MBD5: variants seen among roughly 807,000 people sequenced by gnomAD.
MBD5 encodes methyl-CpG-binding domain protein 5.
MBD5 carries 13 observed loss-of-function variants against 117.3 expected under a neutral mutation model. The observed-to-expected ratio is 0.11, with a 90% CI of 0.07 to 0.18. The LOEUF (loss-of-function observed/expected upper bound fraction) is 0.18, where lower values mean the gene tolerates loss of function less well. Ranked by LOEUF, MBD5 falls within the 10% of genes least tolerant of loss-of-function variation. MBD5 has a pLI of 1.00. For synonymous variants in MBD5, 727 were observed against 766.4 expected, an observed-to-expected ratio of 0.95 and a Z score of 0.85; for missense variants, 1,879 against 2,093.8, an observed-to-expected ratio of 0.90 and a Z score of 2.00.
chr2:148,073,497 CAACTT>C (rs1220621459), intron 1 of MBD5, among the ~76,000 whole-genome samples: 2 of 152,116 alleles, frequency 1.3e-5, no homozygotes, highest in Non-Finnish European at 2.9e-5. Context: ...TCAGTGGAAA[CAACTT>C]AAATGTCTAT....
rs571961119 is a variant in MBD5, at chr2:148,421,621, C to T, written c.-556-36582C>T. 2.6e-5 allele frequency among the ~76,000 whole-genome samples: 4 copies of T among 152,058 alleles called. No homozygotes were observed. In the East Asian group the frequency reaches 7.7e-4, roughly 29 times the overall value. On this transcript the variant is annotated intron_variant, in intron 4 of 13. Coordinates refer to ENST00000642680, the MANE Select transcript of MBD5 (RefSeq NM_001378120.1). Reference sequence around the variant, plus strand: ...TGGAAAGGGGGTTGAAGCCAGGGAGCCAAGTGGTCTGGCTCGGCGGATCCC... The same window carrying T: ...TGGAAAGGGGGTTGAAGCCAGGGAGTCAAGTGGTCTGGCTCGGCGGATCCC...
intron 5 of MBD5, among the ~76,000 whole-genome samples, chr2:148,459,661 T>C (rs1707004927): frequency 6.6e-6 from 1 of 152,212 alleles, no homozygotes; most frequent in Non-Finnish European, 1.5e-5. Flanking sequence ...CATTATTAGA[T>C]TGATGCATTT....
rs542373546 is a variant in MBD5 at position 148,021,311 on chromosome 2, TTTC to T, written c.-1288_-1286del. The T allele has an allele frequency of 7.2e-5, 26 of 360,134 alleles. No homozygotes were observed. The highest frequency in any genetic ancestry group is 2.8e-4 in the East Asian group (4 of 14,182). The allele number at this position is 360,134 out of a possible 1,614,324, so 22.3% of individuals were successfully genotyped here. A position where few individuals can be genotyped will look rare whatever the true frequency, so the allele number is the denominator to read the frequency against. On this transcript the variant is annotated 5_prime_UTR_variant, in exon 1 of 14. Transcript: ENST00000642680. The stretch of plus-strand genomic sequence containing the variant: ...ATTGAGCCTGAGAGAGGAGAAGGAG[TTTC>T]TTCTTCTTCGAAAACCCCCATCCAC...
intron 4 of MBD5, among the ~76,000 whole-genome samples, chr2:148,410,840 A>G (rs925122125): frequency 6.6e-6 from 1 of 152,152 alleles, no homozygotes; most frequent in Non-Finnish European, 1.5e-5. Flanking sequence ...ATTCTTTTGC[A>G]GAAGAGAAGT....
intron 3 of MBD5, among the ~76,000 whole-genome samples, chr2:148,294,852 G>C (rs1395363332): frequency 1.3e-5 from 2 of 152,108 alleles, no homozygotes; most frequent in African/African-American, 2.4e-5. Context: ...TTGTTTTCCT[G>C]TCAGCACTTT....
At chr2:148,258,542 G>A (rs1005257899) in intron 3 of MBD5, among the ~76,000 whole-genome samples, 1 of 152,114 alleles carries the variant, frequency 6.6e-6, no homozygotes, top group African/African-American at 2.4e-5. Context: ...GGGCATCCCG[G>A]CAAGTTCCCT....
chr2:148,455,448 G>A (rs902143094), intron 4 of MBD5, among the ~76,000 whole-genome samples: 1 of 152,042 alleles, frequency 6.6e-6, no homozygotes, highest in East Asian at 1.9e-4. Flanking sequence ...AGCACCTAGA[G>A]GTTTACTAAA....
chr2:148,148,212 G>A (rs370697377), intron 1 of MBD5, among the ~76,000 whole-genome samples: 1 of 152,108 alleles, frequency 6.6e-6, no homozygotes, highest in African/African-American at 2.4e-5. Flanking sequence ...CTGCCAGATA[G>A]GTCAAATGGT....
At chr2:148,360,705 C>CG (rs1327428309) in intron 4 of MBD5, among the ~76,000 whole-genome samples, 1 of 152,028 alleles carries the variant, frequency 6.6e-6, no homozygotes, top group East Asian at 1.9e-4. Flanking sequence ...ACTGTGAAAC[C>CG]TTAGAAACAT....
Position 148,152,709 on chromosome 2 carries a change from C to T in MBD5, c.-924-25991C>T, listed in dbSNP as rs535829314. On this transcript the variant is annotated intron_variant, in intron 1 of 13. Transcript: ENST00000642680. ...CATTATGTAATGGCCTTCTTTGTCT[C>T]TTTTGATCTTTGTTGGTTTAAAGTC... Among the ~76,000 whole-genome samples, 255 of 151,218 alleles carry T rather than the reference C, an allele frequency of 1.7e-3. 1 individual carries two copies. Among genetic ancestry groups the T allele is most frequent in the Admixed American group, 2.2e-3 (33 of 15,208 alleles).
chr2:148,098,600 G>T (rs1380983284), intron 1 of MBD5, among the ~76,000 whole-genome samples: 3 of 152,106 alleles, frequency 2.0e-5, no homozygotes, highest in Non-Finnish European at 2.9e-5. Flanking sequence ...GAATCACCTG[G>T]TGAGCTTTTC....
At chr2:148,478,990 G>A (rs1010693486) in intron 8 of MBD5, among the ~76,000 whole-genome samples, 1 of 152,060 alleles carries the variant, frequency 6.6e-6, no homozygotes, top group African/African-American at 2.4e-5. Context: ...TTTTCCCCAC[G>A]GTTTAACAGA....
At chr2:148,104,291 T>G (rs1696311509) in intron 1 of MBD5, among the ~76,000 whole-genome samples, 1 of 152,160 alleles carries the variant, frequency 6.6e-6, no homozygotes, top group South Asian at 2.1e-4. Context: ...CTAACATCTT[T>G]GTTCATGAGA....
At chr2:148,436,750 G>T (rs908115413) in intron 4 of MBD5, among the ~76,000 whole-genome samples, 3 of 151,866 alleles carry the variant, frequency 2.0e-5, no homozygotes, top group Non-Finnish European at 4.4e-5. Flanking sequence ...GGTTCTTCAA[G>T]GTTTTCCAAA....
intron 1 of MBD5, chr2:148,041,165 A>G (rs115394928): frequency 4.4e-4 from 67 of 152,316 alleles, no homozygotes; most frequent in African/African-American, 1.4e-3. Context: ...TGCTAGGGCT[A>G]TGATCCCCTG....
chr2:148,479,978 AAGAC>A (rs1681099235), intron 8 of MBD5, among the ~76,000 whole-genome samples: 1 of 152,082 alleles, frequency 6.6e-6, no homozygotes, highest in African/African-American at 2.4e-5. Context: ...AGAGAAGAAA[AAGAC>A]AGAGAGATTT....
At position 148,483,591 on chromosome 2, in the gene MBD5, T is replaced by C; in HGVS notation, c.3000T>C (p.Ala1000=). 2 of 1,556,846 alleles carry C rather than the reference T, an allele frequency of 1.3e-6. No homozygotes were observed. Residue 1000 remains alanine, a synonymous_variant, in exon 9 of 14, where the codon GCT becomes GCC. Coordinates refer to ENST00000642680, the MANE Select transcript of MBD5 (RefSeq NM_001378120.1). ...AALLQNQAQA[A]AMLPLPSFNL... is the part of the protein sequence containing the mutation. ...TGCTTCAGAACCAAGCCCAAGCAGC[T>C]GCCATGCTTCCCCTGCCATCTTTCA...
intron 3 of MBD5, among the ~76,000 whole-genome samples, chr2:148,323,463 CA>C (rs1702347127): frequency 6.6e-6 from 1 of 151,982 alleles, no homozygotes; most frequent in Non-Finnish European, 1.5e-5. Flanking sequence ...GTCCCACCAA[CA>C]GTGTAAAAGT....
intron 1 of MBD5, among the ~76,000 whole-genome samples, chr2:148,176,745 A>T (rs1698399815): frequency 6.6e-6 from 1 of 151,996 alleles, no homozygotes; most frequent in African/African-American, 2.4e-5. Flanking sequence ...AGCCTATTTC[A>T]TGTCATTTTT....
Sources: gnomAD v4.1 joint callset for allele counts (sites outside exome capture counted in the v4.1 genomes callset) on GRCh38, gnomAD v4.1.1 for gene constraint, MANE v1.5 for transcripts, NCBI Gene and HGNC (gene_info 2026-07-23, HGNC 2026-07-21) for gene names.